DNAJC10: variants seen among roughly 807,000 people sequenced by gnomAD.
The protein encoded by DNAJC10 is DnaJ heat shock protein family (Hsp40) member C10, also known as endoplasmic reticulum disulfide reductase DNAJC10.
Under a neutral mutation model 115.0 loss-of-function variants are expected in DNAJC10, and 101 were observed. That is an observed-to-expected ratio of 0.88 (90% CI 0.75 to 1.04). The LOEUF (loss-of-function observed/expected upper bound fraction) is 1.04, where lower values mean the gene tolerates loss of function less well. Among genes scored for constraint, DNAJC10 ranks in the 50% least tolerant of loss-of-function variants. DNAJC10 has a pLI of 0.00. For synonymous variants in DNAJC10, 307 were observed against 301.5 expected, an observed-to-expected ratio of 1.02 and a Z score of -0.19; for missense variants, 981 against 928.8, an observed-to-expected ratio of 1.06 and a Z score of -0.73.
rs551455908 is a variant in DNAJC10, at chr2:182,763,609, C to T, written c.2265+808C>T. Among the ~76,000 whole-genome samples, 7 of 152,266 alleles carry T rather than the reference C, an allele frequency of 4.6e-5. No individual in the cohort carries two copies. The South Asian group carries it at 1.5e-3, about 32-fold the overall frequency. On this transcript the variant is annotated intron_variant, in intron 22 of 23. Transcript: ENST00000264065. ...GCGTTCCTTATCACACCACACACTC[C>T]ACTCCTGTCCTGTTTTCGGGATCAA...
In DNAJC10 at chr2:182,782,520, A is replaced by G. The variant is rs1191934193; in HGVS notation, c.*5388A>G. On this transcript the variant is annotated 3_prime_UTR_variant, in exon 24 of 24. Coordinates refer to ENST00000264065, the MANE Select transcript of DNAJC10 (RefSeq NM_018981.4). Reference sequence around the variant, plus strand: ...ATAAATTACTTTGGGCAGTATGACTATTTCACAATATTAATTCTTCCTATC... The same window carrying G: ...ATAAATTACTTTGGGCAGTATGACTGTTTCACAATATTAATTCTTCCTATC... The G allele has an allele frequency of 1.4e-5, 2 of 140,120 alleles. No homozygotes were observed. The highest frequency in any genetic ancestry group is 2.0e-4 in the East Asian group (1 of 5,082). 8.7% of individuals were successfully genotyped at this position (140,120 alleles called of 1,614,324 possible).
At chr2:182,746,758 G>T (rs1203828266) in intron 14 of DNAJC10, among the ~76,000 whole-genome samples, 7 of 151,862 alleles carry the variant, frequency 4.6e-5, no homozygotes, top group African/African-American at 7.3e-5. Context: ...GTCAATTTTG[G>T]CTTTTGTTGC....
At position 182,755,031 on chromosome 2, in the gene DNAJC10, T is replaced by G; in HGVS notation, c.1580T>G (p.Val527Gly). 1 of 1,607,350 alleles carries G rather than the reference T, an allele frequency of 6.2e-7. No individual in the cohort carries two copies. Among genetic ancestry groups the G allele is most frequent in the Non-Finnish European group, 8.5e-7 (1 of 1,174,034 alleles). The change falls in exon 17 of 24, where the codon GTG becomes GGG. Residue 527 changes from valine (V) to glycine (G), a missense_variant. Coordinates refer to ENST00000264065, the MANE Select transcript of DNAJC10 (RefSeq NM_018981.4). ...MYNIQAYPTTVVFNQSNIHEY... is the reference protein window; with the variant it reads ...MYNIQAYPTTGVFNQSNIHEY... ...AACATTCAGGCTTATCCAACAACAG[T>G]GGTATTCAACCAGTCCAACATTCAT...
At chr2:182,769,597 T>C (rs1011885750) in intron 22 of DNAJC10, among the ~76,000 whole-genome samples, 5 of 152,250 alleles carry the variant, frequency 3.3e-5, no homozygotes, top group African/African-American at 1.2e-4. Context: ...CATTTTTTCA[T>C]GCATCTGTTG....
At chr2:182,769,015 C>T (rs1341720408) in intron 22 of DNAJC10, among the ~76,000 whole-genome samples, 1 of 152,096 alleles carries the variant, frequency 6.6e-6, no homozygotes, top group African/African-American at 2.4e-5. Context: ...GTGATGTTCC[C>T]CCCACTGTGT....
chr2:182,764,881 A>T (rs953879235), intron 22 of DNAJC10, among the ~76,000 whole-genome samples: 1 of 152,172 alleles, frequency 6.6e-6, no homozygotes, highest in Non-Finnish European at 1.5e-5. Flanking sequence ...CTCTGACCAG[A>T]TGATAGAACT....
rs1201849169 is a variant in DNAJC10 at position 182,779,410 on chromosome 2, C to G, written c.*2278C>G. On this transcript the variant is annotated 3_prime_UTR_variant, in exon 24 of 24. Coordinates refer to ENST00000264065, the MANE Select transcript of DNAJC10 (RefSeq NM_018981.4). ...CAATTCTAGCTGACCAAAGCACATT[C>G]TATCAGGCAGCCAGGCTTGGAAATT... The G allele has an allele frequency of 4.6e-5, 7 of 152,144 alleles. No homozygotes were observed. The highest frequency in any genetic ancestry group is 1.7e-4 in the African/African-American group (7 of 41,422). 9.4% of individuals were successfully genotyped at this position (152,144 alleles called of 1,614,324 possible).
intron 9 of DNAJC10, 151 bp downstream of exon 9, chr2:182,731,258 CT>C: frequency 5.3e-6 from 3 of 565,440 alleles, no homozygotes; most frequent in South Asian, 2.8e-5. Context: ...GAATATTCGC[CT>C]TTTTCATTAT....
At chr2:182,745,717 T>G (rs1693845271) in intron 14 of DNAJC10, among the ~76,000 whole-genome samples, 1 of 152,010 alleles carries the variant, frequency 6.6e-6, no homozygotes, top group East Asian at 1.9e-4. Context: ...GGACAAGTTT[T>G]TTTTTTATTT....
In DNAJC10 at chr2:182,718,205, T is replaced by C; in HGVS notation, c.119T>C (p.Leu40Pro). 2 of 1,613,698 alleles carry C rather than the reference T, an allele frequency of 1.2e-6. No individual in the cohort carries two copies. Among genetic ancestry groups the C allele is most frequent in the Non-Finnish European group, 8.5e-7 (1 of 1,179,856 alleles). The change falls in exon 3 of 24, where the codon CTT becomes CCT. Residue 40 changes from leucine (L) to proline (P), a missense_variant. Physicochemically the swap from Leu to Pro is moderately conservative, Grantham distance 98. Coordinates refer to ENST00000264065, the MANE Select transcript of DNAJC10 (RefSeq NM_018981.4). Reference protein sequence around the residue: ...VGTDQDFYSLLGVSKTASSRE... With the variant: ...VGTDQDFYSLPGVSKTASSRE... ...ACAGATCAGGATTTTTACAGTTTACTTGGAGTGTCCAAAACTGCAAGCAGT... is the reference window on the plus strand; with the variant it reads ...ACAGATCAGGATTTTTACAGTTTACCTGGAGTGTCCAAAACTGCAAGCAGT...
In DNAJC10 at chr2:182,794,392, TG is replaced by T. The variant is rs1695107128; in HGVS notation, c.*17261del. The T allele has an allele frequency of 6.6e-6, 1 of 152,246 alleles. No individual in the cohort carries two copies. Among genetic ancestry groups the T allele is most frequent in the African/African-American group, 2.4e-5 (1 of 41,462 alleles). 9.4% of individuals were successfully genotyped at this position (152,246 alleles called of 1,614,324 possible). On this transcript the variant is annotated 3_prime_UTR_variant, in exon 24 of 24. Transcript: ENST00000264065. Reference sequence around the variant, plus strand: ...AATGTCATTCTAGATTTGATTCTACTGTTTGTCTTTGCAGTGAGCTATGTTT... The same window carrying T: ...AATGTCATTCTAGATTTGATTCTACTTTTGTCTTTGCAGTGAGCTATGTTT...
intron 11 of DNAJC10, 137 bp downstream of exon 11, chr2:182,736,523 A>T (rs1025808647): frequency 1.6e-5 from 8 of 496,152 alleles, no homozygotes; most frequent in Non-Finnish European, 2.5e-5. Context: ...TTTAGAACAC[A>T]TACTTAATTT....
chr2:182,718,360 C>T, intron 3 of DNAJC10, 70 bp downstream of exon 3: 1 of 1,222,464 alleles, frequency 8.2e-7, no homozygotes, highest in Non-Finnish European at 1.1e-6. Flanking sequence ...ATTTAAATTG[C>T]TTTAAATGAT....
rs1333711155 is a variant in DNAJC10 at position 182,788,496 on chromosome 2, A to T, written c.*11364A>T. 1 of 200,462 alleles carries T rather than the reference A, an allele frequency of 5.0e-6. No individual in the cohort carries two copies. Among genetic ancestry groups the T allele is most frequent in the Non-Finnish European group, 1.0e-5 (1 of 98,586 alleles). The allele number at this position is 200,462 out of a possible 1,614,324, so 12.4% of individuals were successfully genotyped here. ...TAAAACCACCAAAAAATAGGAGAAA[A>T]TGGGAGTAAAAACAAAATGTATAAA... On this transcript the variant is annotated 3_prime_UTR_variant, in exon 24 of 24. Transcript: ENST00000264065.
intron 13 of DNAJC10, among the ~76,000 whole-genome samples, chr2:182,742,710 C>A (rs1219994634): frequency 6.6e-6 from 1 of 152,176 alleles, no homozygotes; most frequent in East Asian, 1.9e-4. Flanking sequence ...CATTTAATTG[C>A]TTTCAACTGG....
At chr2:182,768,984 C>T (rs538662143) in intron 22 of DNAJC10, among the ~76,000 whole-genome samples, 3 of 152,152 alleles carry the variant, frequency 2.0e-5, no homozygotes, top group Admixed American at 2.0e-4. Context: ...CAGCCCTGAA[C>T]TCCCCAACAG....
At chr2:182,722,633 A>G (rs1227859276) in intron 5 of DNAJC10, among the ~76,000 whole-genome samples, 1 of 152,182 alleles carries the variant, frequency 6.6e-6, no homozygotes, top group Admixed American at 6.6e-5. Flanking sequence ...TCACAATTGT[A>G]TTTAATTTAG....
At chr2:182,772,656 T>C (rs1387116346) in intron 22 of DNAJC10, among the ~76,000 whole-genome samples, 2 of 151,028 alleles carry the variant, frequency 1.3e-5, no homozygotes, top group South Asian at 4.1e-4. Context: ...TTTGTTTTGT[T>C]TTGTTTTGTT....
chr2:182,739,163 GAT>G (rs148212851), intron 11 of DNAJC10, among the ~76,000 whole-genome samples: 61,766 of 136,938 alleles, frequency 0.45, 15,414 homozygotes, highest in Middle Eastern at 0.57. Context: ...GAATGTTTAT[GAT>G]ATATATATAT....
Sources: gnomAD v4.1 joint callset for allele counts (sites outside exome capture counted in the v4.1 genomes callset) on GRCh38, gnomAD v4.1.1 for gene constraint, MANE v1.5 for transcripts, NCBI Gene and HGNC (gene_info 2026-07-23, HGNC 2026-07-21) for gene names.